Variants in GRIPAP1 observed in about 807,000 individuals in gnomAD.
The protein encoded by GRIPAP1 is GRIP1-associated protein 1.
Under a neutral mutation model 84.1 loss-of-function variants are expected in GRIPAP1, and 14 were observed. That is an observed-to-expected ratio of 0.17 (90% CI 0.11 to 0.26). The LOEUF is 0.26. Among genes scored for constraint, GRIPAP1 ranks in the 10% least tolerant of loss-of-function variants. The probability of loss-of-function intolerance (pLI) is 1.00; values close to 1 mark genes in which losing one functional copy is unlikely to be tolerated. For missense variants in GRIPAP1, 518 were observed against 674.2 expected, an observed-to-expected ratio of 0.77 and a Z score of 2.57; for synonymous variants, 261 against 256.8, an observed-to-expected ratio of 1.02 and a Z score of -0.15.
intron 12 of GRIPAP1, 114 bp from the exon 13 acceptor site, chrX:48,987,991 A>C: frequency 1.7e-6 from 1 of 581,185 alleles, no homozygotes; most frequent in Non-Finnish European, 2.8e-6. Flanking sequence ...ACACACACAC[A>C]CACACACACA....
At chrX:48,993,876 T>G (rs2064532765) in intron 5 of GRIPAP1, among the ~76,000 whole-genome samples, 1 of 111,381 alleles carries the variant, frequency 9.0e-6, no homozygotes, top group African/African-American at 3.3e-5. Flanking sequence ...ATCCAAGACC[T>G]CAGGCTCCTC....
intron 6 of GRIPAP1, chrX:48,991,332 T>C: frequency 2.6e-6 from 1 of 391,862 alleles, no homozygotes; most frequent in Non-Finnish European, 4.4e-6. Flanking sequence ...CAGGCTGGAG[T>C]GCACTGGAAT....
chrX:48,978,928 A>G (rs1474251479), intron 21 of GRIPAP1, among the ~76,000 whole-genome samples: 3 of 109,109 alleles, frequency 2.7e-5, no homozygotes, highest in Non-Finnish European at 5.7e-5. Context: ...GAAAGAAAAG[A>G]AAGAGCTGCC....
At chrX:48,996,198 T>A (rs1306313917) in intron 5 of GRIPAP1, among the ~76,000 whole-genome samples, 3 of 112,338 alleles carry the variant, frequency 2.7e-5, no homozygotes, top group African/African-American at 9.7e-5. Context: ...GAGTCCCTGC[T>A]GGTACCTACT....
chrX:48,974,947 G>A (rs149585561), intron 25 of GRIPAP1, among the ~76,000 whole-genome samples: 5,385 of 110,666 alleles, frequency 0.049, 149 homozygotes, highest in Middle Eastern at 0.093. Flanking sequence ...ATGGATGAGC[G>A]GGTACATGGA....
intron 13 of GRIPAP1, among the ~76,000 whole-genome samples, chrX:48,987,124 A>G (rs1408012946): frequency 2.9e-5 from 3 of 102,942 alleles, no homozygotes; most frequent in Non-Finnish European, 5.9e-5. Context: ...CTAGGATTAC[A>G]GAATTGAGCC....
rs1438919321 is a variant in GRIPAP1 at position 48,989,817 on chromosome X, C to T, written c.770+18G>A. 1 of 1,201,008 alleles carries T rather than the reference C, an allele frequency of 8.3e-7. No individual in the cohort carries two copies. Among genetic ancestry groups the T allele is most frequent in the African/African-American group, 1.8e-5 (1 of 56,917 alleles). On this transcript the variant is annotated intron_variant, in intron 10 of 25. Transcript: ENST00000376423. ...ACTGTCCCAATTGTCCACCAATACC[C>T]GCAAATCTGGCAGTTACCTGCTGTC...
chrX:49,001,663 T>C (rs2064581211), intron 1 of GRIPAP1, among the ~76,000 whole-genome samples: 1 of 109,521 alleles, frequency 9.1e-6, no homozygotes, highest in African/African-American at 3.3e-5. Context: ...TGGCACAGGA[T>C]CTCCACCTCC....
intron 3 of GRIPAP1, 109 bp from the exon 4 acceptor site, chrX:48,998,289 G>A (rs2064558707): frequency 1.9e-6 from 1 of 533,530 alleles, no homozygotes; most frequent in African/African-American, 2.3e-5. Flanking sequence ...GGATGACAGG[G>A]GTTGCAGGAT....
At chrX:48,975,600 T>A in intron 24 of GRIPAP1, 1 of 331,845 alleles carries the variant, frequency 3.0e-6, no homozygotes, top group Non-Finnish European at 5.2e-6. Flanking sequence ...TGATTCTGAT[T>A]AATAAAGAAA....
At chrX:48,997,831 G>A (rs1450374432) in intron 4 of GRIPAP1, 13 of 349,521 alleles carry the variant, frequency 3.7e-5, no homozygotes, top group Non-Finnish European at 5.9e-5. Context: ...GCAGAAAAAA[G>A]AGAAATCACC....
chrX:48,990,798 C>T (rs2064515524), intron 7 of GRIPAP1, 66 bp from the exon 8 acceptor site: 14 of 1,059,024 alleles, frequency 1.3e-5, no homozygotes, highest in Middle Eastern at 2.5e-4. Flanking sequence ...CTTCCCCTGC[C>T]CTCCTGCCTC....
rs781785836 is a variant in GRIPAP1 at position 48,983,220 on chromosome X, C to T, written c.1485+8G>A. 3.3e-6 allele frequency: 4 copies of T among 1,201,166 alleles called. No homozygotes were observed. Among genetic ancestry groups the T allele is most frequent in the Non-Finnish European group, 4.5e-6 (4 of 885,647 alleles). ...GAGGAAGAAGGGCATCATCATCTAC[C>T]CACCCACCTTCTCCTCCCGGATCTG... On this transcript the variant is annotated splice_region_variant and intron_variant, in intron 16 of 25. Coordinates refer to ENST00000376423, the MANE Select transcript of GRIPAP1 (RefSeq NM_020137.5).
chrX:48,995,424 G>C (rs1188692429), intron 5 of GRIPAP1, among the ~76,000 whole-genome samples: 1 of 111,210 alleles, frequency 9.0e-6, no homozygotes, highest in African/African-American at 3.3e-5. Context: ...TGGGGCACTG[G>C]AATGTATTAA....
At chrX:48,989,451 G>T (rs1427212796) in intron 11 of GRIPAP1, among the ~76,000 whole-genome samples, 160 bp downstream of exon 11, 1 of 110,796 alleles carries the variant, frequency 9.0e-6, no homozygotes, top group African/African-American at 3.3e-5. Flanking sequence ...AATTCCTAGG[G>T]CTCTCCAATT....
At chrX:48,983,979 T>C in intron 14 of GRIPAP1, 109 bp from the exon 15 acceptor site, 2 of 539,602 alleles carry the variant, frequency 3.7e-6, no homozygotes, top group South Asian at 5.0e-5. Context: ...AAGTTGGTAT[T>C]GTGATCTCAA....
chrX:48,981,087 G>C (rs1557061953), intron 21 of GRIPAP1, 128 bp downstream of exon 21: 1 of 474,695 alleles, frequency 2.1e-6, no homozygotes, highest in African/African-American at 2.4e-5. Context: ...AAAGGTAAAA[G>C]ATGGAGTTCC....
At chrX:48,987,954 GACACACACACACACACAC>G (rs781921365) in intron 12 of GRIPAP1, 77 bp from the exon 13 acceptor site, 84 of 358,311 alleles carry the variant, frequency 2.3e-4, no homozygotes, top group African/African-American at 9.7e-4. Flanking sequence ...AGAAAGAAAG[GACACACACACACACACAC>G]ACACACACAC....
chrX:48,979,989 T>C (rs1194086749), intron 21 of GRIPAP1, among the ~76,000 whole-genome samples: 2 of 111,128 alleles, frequency 1.8e-5, no homozygotes, highest in Non-Finnish European at 3.8e-5. Flanking sequence ...CAGAGAGAAA[T>C]TGATTTGGTG....
Sources: allele counts gnomAD v4.1 joint callset (sites outside exome capture counted in the v4.1 genomes callset), GRCh38; gene constraint gnomAD v4.1.1; transcripts MANE v1.5; gene names NCBI Gene and HGNC (gene_info 2026-07-23, HGNC 2026-07-21).